Variants in XKR9 observed in about 807,000 individuals in gnomAD.
XKR9 encodes the protein XK related 9, also known as XK-related protein 9.
A neutral mutation model predicts 32.0 loss-of-function variants in XKR9; 32 were observed. The ratio of observed to expected loss-of-function variants is 1.00; its 90% CI spans 0.76 to 1.34. The LOEUF is 1.34. XKR9 is among the 40% of genes most tolerant of loss of function. The pLI is 0.00. For missense variants in XKR9, 546 were observed against 429.7 expected (o/e 1.27, Z -2.39); for synonymous variants, 168 against 143.4 (o/e 1.17, Z -1.22).
chr8:70,816,456 C>G, the XKR9 span, among the ~76,000 whole-genome samples: 1 of 152,148 alleles, frequency 6.6e-6, no homozygotes, highest in Admixed American at 6.5e-5. Context: ...TATAGCAGCA[C>G]TATTCTCAAT....
chr8:71,016,359 A>G, the XKR9 span, among the ~76,000 whole-genome samples: 2 of 152,032 alleles, frequency 1.3e-5, no homozygotes, highest in Non-Finnish European at 2.9e-5. Context: ...AAGCCACGCA[A>G]TTAGGAGGAG....
the XKR9 span, among the ~76,000 whole-genome samples, chr8:70,907,662 A>T: frequency 6.6e-6 from 1 of 152,224 alleles, no homozygotes; most frequent in Non-Finnish European, 1.5e-5. Context: ...ATTTAGACCT[A>T]CTTTAGATAC....
the XKR9 span, among the ~76,000 whole-genome samples, chr8:70,817,816 A>C: frequency 6.6e-6 from 1 of 152,188 alleles, no homozygotes; most frequent in Non-Finnish European, 1.5e-5. Context: ...CTGTACACCT[A>C]CAACCACCTG....
chr8:70,979,647 C>T, the XKR9 span, among the ~76,000 whole-genome samples: 6 of 152,316 alleles, frequency 3.9e-5, no homozygotes, highest in East Asian at 7.7e-4. Context: ...CAGAGGGGCA[C>T]CTGGCTGTGT....
At chr8:70,853,038 A>G in the XKR9 span, among the ~76,000 whole-genome samples, 2 of 152,138 alleles carry the variant, frequency 1.3e-5, no homozygotes, top group Non-Finnish European at 2.9e-5. Context: ...TGTGGTACAT[A>G]TACACAATGG....
chr8:70,885,682 C>T, the XKR9 span, among the ~76,000 whole-genome samples: 17 of 152,128 alleles, frequency 1.1e-4, no homozygotes, highest in East Asian at 1.9e-4. Context: ...CTGCAAGCTC[C>T]GCCTCCCGGG....
chr8:70,904,709 C>G, the XKR9 span, among the ~76,000 whole-genome samples: 1 of 152,176 alleles, frequency 6.6e-6, no homozygotes, highest in Non-Finnish European at 1.5e-5. Flanking sequence ...CAGCTTCTTA[C>G]TAGCATCAAT....
chr8:70,828,614 T>G, the XKR9 span, among the ~76,000 whole-genome samples: 1 of 150,856 alleles, frequency 6.6e-6, no homozygotes, highest in Non-Finnish European at 1.5e-5. Context: ...ATTCAGCTAC[T>G]AGAGAGGCTG....
the XKR9 span, among the ~76,000 whole-genome samples, chr8:70,859,353 G>C: frequency 6.6e-6 from 1 of 152,074 alleles, no homozygotes; most frequent in East Asian, 1.9e-4. Flanking sequence ...TTTGAAATAA[G>C]GCAATAACAG....
chr8:70,965,158 G>C, the XKR9 span, among the ~76,000 whole-genome samples: 48,524 of 151,700 alleles, frequency 0.32, 9,057 homozygotes, highest in Non-Finnish European at 0.43. Flanking sequence ...TAACATGAAG[G>C]GTTGTTGAAT....
At chr8:70,809,407 C>T in the XKR9 span, among the ~76,000 whole-genome samples, 16 of 152,304 alleles carry the variant, frequency 1.1e-4, no homozygotes, top group South Asian at 8.3e-4. Context: ...TCCAAAGGAA[C>T]GCAGCTCCTC....
chr8:70,963,753 G>T, the XKR9 span, among the ~76,000 whole-genome samples: 1 of 152,202 alleles, frequency 6.6e-6, no homozygotes, highest in African/African-American at 2.4e-5. Flanking sequence ...TTTGTTGGCT[G>T]CATGAATGTC....
the XKR9 span, among the ~76,000 whole-genome samples, chr8:71,005,425 T>G: frequency 6.6e-5 from 10 of 151,960 alleles, no homozygotes; most frequent in Admixed American, 6.6e-4. Context: ...GGTTTCATCA[T>G]GTTGGCCAGG....
chr8:71,057,141 C>T, the XKR9 span, among the ~76,000 whole-genome samples: 1 of 152,130 alleles, frequency 6.6e-6, no homozygotes, highest in Non-Finnish European at 1.5e-5. Flanking sequence ...AGCATCTTGC[C>T]TGTACTCTTG....
intron 4 of XKR9, among the ~76,000 whole-genome samples, chr8:70,724,241 C>G (rs896993880): frequency 6.6e-6 from 1 of 152,144 alleles, no homozygotes; most frequent in Non-Finnish European, 1.5e-5. Context: ...CTGCACCAAG[C>G]TTGATCATCC....
At chr8:71,053,758 A>G in the XKR9 span, among the ~76,000 whole-genome samples, 2 of 152,198 alleles carry the variant, frequency 1.3e-5, no homozygotes, top group African/African-American at 4.8e-5. Context: ...ACTCCTTTGA[A>G]CTTGGGCTGA....
chr8:70,784,884 G>T (rs900072300), intron 2 of XKR9, among the ~76,000 whole-genome samples: 1 of 150,762 alleles, frequency 6.6e-6, no homozygotes, highest in South Asian at 2.1e-4. Context: ...TACCTAATTT[G>T]GTGAGATTTT....
At chr8:70,739,182 T>C (rs936602228), downstream of XKR9, among the ~76,000 whole-genome samples, 16 of 152,294 alleles carry the variant, frequency 1.1e-4, no homozygotes, top group Admixed American at 2.6e-4. Context: ...TTTAGGATAG[T>C]GAGCTCTTCT....
intron 2 of XKR9, among the ~76,000 whole-genome samples, chr8:70,755,120 AAAG>A (rs1210616487): frequency 6.6e-6 from 1 of 152,248 alleles, no homozygotes; most frequent in African/African-American, 2.4e-5. Flanking sequence ...ACACTTCTCA[AAAG>A]AAGACATTTA....
Sources: gnomAD v4.1 joint callset for allele counts (sites outside exome capture counted in the v4.1 genomes callset) on GRCh38, gnomAD v4.1.1 for gene constraint, MANE v1.5 for transcripts, NCBI Gene and HGNC (gene_info 2026-07-23, HGNC 2026-07-21) for gene names.